The following PIGK variants were observed in gnomAD, a reference collection of about 807,000 sequenced individuals.
PIGK encodes GPI-anchor transamidase.
In PIGK, 42 loss-of-function variants were observed where a neutral mutation model predicts 50.6. That is an observed-to-expected ratio of 0.83 (90% CI 0.65 to 1.07). The LOEUF is 1.07. PIGK is among the 50% of genes least tolerant of loss of function. PIGK has a pLI of 0.00. For synonymous variants in PIGK, 151 were observed against 156.0 expected (o/e 0.97, Z 0.24); for missense variants, 448 against 488.7 (o/e 0.92, Z 0.78).
intron 1 of PIGK, among the ~76,000 whole-genome samples, chr1:77,217,976 C>T (rs774419232): frequency 2.6e-5 from 4 of 152,150 alleles, no homozygotes; most frequent in Admixed American, 6.5e-5. Flanking sequence ...CTTCTATTTA[C>T]TCATATTTAT....
At chr1:77,178,567 T>C (rs140856602) in intron 3 of PIGK, among the ~76,000 whole-genome samples, 1 of 150,416 alleles carries the variant, frequency 6.6e-6, no homozygotes, top group East Asian at 2.0e-4. Context: ...TTTTAGGGCA[T>C]TAACGGAGAG....
At chr1:77,206,109 A>G (rs929224366) in intron 3 of PIGK, among the ~76,000 whole-genome samples, 1 of 152,168 alleles carries the variant, frequency 6.6e-6, no homozygotes, top group Non-Finnish European at 1.5e-5. Context: ...TAAGTTTCAA[A>G]AGGAAACAAA....
intron 10 of PIGK, among the ~76,000 whole-genome samples, chr1:77,119,330 C>T (rs1157677429): frequency 6.6e-6 from 1 of 152,154 alleles, no homozygotes; most frequent in African/African-American, 2.4e-5. Flanking sequence ...TCTTATTATA[C>T]AGGTCTATGG....
At chr1:77,196,080 T>C (rs963652080) in intron 3 of PIGK, among the ~76,000 whole-genome samples, 2 of 152,206 alleles carry the variant, frequency 1.3e-5, no homozygotes, top group Non-Finnish European at 2.9e-5. Flanking sequence ...ACATGTAGTA[T>C]CTGGTTTTCT....
chr1:77,104,279 A>C (rs1653615938), intron 10 of PIGK, among the ~76,000 whole-genome samples: 1 of 152,170 alleles, frequency 6.6e-6, no homozygotes, highest in South Asian at 2.1e-4. Flanking sequence ...CTTATGAAAA[A>C]GATGATGATT....
chr1:77,101,904 G>T (rs139406371), intron 10 of PIGK, among the ~76,000 whole-genome samples: 17,349 of 151,996 alleles, frequency 0.11, 1,357 homozygotes, highest in African/African-American at 0.21. Flanking sequence ...CTTGGGAGGG[G>T]GAGGCAGGAG....
At chr1:77,122,675 G>T (rs1292849778) in intron 9 of PIGK, among the ~76,000 whole-genome samples, 1 of 152,088 alleles carries the variant, frequency 6.6e-6, no homozygotes, top group African/African-American at 2.4e-5. Flanking sequence ...AGCACTTAAA[G>T]GTCTTCAAAA....
intron 9 of PIGK, among the ~76,000 whole-genome samples, chr1:77,149,337 C>T (rs1465978043): frequency 6.6e-6 from 1 of 151,912 alleles, no homozygotes; most frequent in Non-Finnish European, 1.5e-5. Context: ...ACAAGACCCA[C>T]CTATATGTTG....
chr1:77,142,081 TA>T (rs1654661223), intron 9 of PIGK, among the ~76,000 whole-genome samples: 2 of 152,346 alleles, frequency 1.3e-5, no homozygotes, highest in Admixed American at 1.3e-4. Flanking sequence ...ACTAGTAAGA[TA>T]AAAACATAAA....
intron 9 of PIGK, among the ~76,000 whole-genome samples, chr1:77,152,158 C>G (rs1042186709): frequency 6.6e-6 from 1 of 151,964 alleles, no homozygotes; most frequent in African/African-American, 2.4e-5. Context: ...AACAGACACA[C>G]AGACCAATGG....
intron 5 of PIGK, among the ~76,000 whole-genome samples, chr1:77,165,097 C>A (rs1448041618): frequency 6.6e-6 from 1 of 152,050 alleles, no homozygotes; most frequent in East Asian, 1.9e-4. Context: ...AATAAAACTT[C>A]CAAAACAGGC....
At chr1:77,095,754 G>T (rs1653392793) in intron 10 of PIGK, among the ~76,000 whole-genome samples, 2 of 151,964 alleles carry the variant, frequency 1.3e-5, no homozygotes. Flanking sequence ...GGCATAAGTG[G>T]CATGGTAGCA....
At chr1:77,110,375 G>T (rs575640416) in intron 10 of PIGK, among the ~76,000 whole-genome samples, 437 of 152,218 alleles carry the variant, frequency 2.9e-3, no homozygotes, top group Middle Eastern at 6.8e-3. Flanking sequence ...CAAGGCTACA[G>T]TAACCAAAAC....
chr1:77,139,515 C>T (rs1654596976), intron 9 of PIGK, among the ~76,000 whole-genome samples: 1 of 152,104 alleles, frequency 6.6e-6, no homozygotes, highest in African/African-American at 2.4e-5. Flanking sequence ...CTATACTGTC[C>T]TTGCAAAAGG....
intron 3 of PIGK, among the ~76,000 whole-genome samples, chr1:77,184,416 AC>A (rs1368542258): frequency 6.6e-6 from 1 of 152,132 alleles, no homozygotes; most frequent in African/African-American, 2.4e-5. Flanking sequence ...TTGAGGAAGG[AC>A]CCCACTACAT....
At chr1:77,173,117 C>T (rs1655405031) in intron 3 of PIGK, among the ~76,000 whole-genome samples, 2 of 152,218 alleles carry the variant, frequency 1.3e-5, no homozygotes, top group East Asian at 3.9e-4. Context: ...CTGGCTTATA[C>T]ATGCATAAAT....
intron 9 of PIGK, among the ~76,000 whole-genome samples, chr1:77,125,384 A>G (rs929259054): frequency 1.3e-5 from 2 of 152,176 alleles, no homozygotes; most frequent in African/African-American, 4.8e-5. Context: ...TAACAGCAGC[A>G]CTTTTTCCAA....
intron 10 of PIGK, among the ~76,000 whole-genome samples, chr1:77,102,496 G>A (rs562676628): frequency 9.9e-5 from 15 of 152,236 alleles, no homozygotes; most frequent in East Asian, 3.9e-4. Flanking sequence ...AAGGGACTCC[G>A]GCTGACTTTG....
At chr1:77,109,470 A>C (rs547259016) in intron 10 of PIGK, among the ~76,000 whole-genome samples, 1 of 152,346 alleles carries the variant, frequency 6.6e-6, no homozygotes, top group Admixed American at 6.5e-5. Context: ...CAAATCAATA[A>C]ACGTAATCCA....
Sources: allele counts gnomAD v4.1 joint callset (sites outside exome capture counted in the v4.1 genomes callset), GRCh38; gene constraint gnomAD v4.1.1; transcripts MANE v1.5; gene names NCBI Gene and HGNC (gene_info 2026-07-23, HGNC 2026-07-21).